CDH18: variants seen among roughly 807,000 people sequenced by gnomAD.
CDH18 encodes the protein cadherin 18.
In CDH18, 31 loss-of-function variants were observed where a neutral mutation model predicts 67.9. That is an observed-to-expected ratio of 0.46 (90% confidence interval 0.34 to 0.62). CDH18 has a LOEUF of 0.62. Ranked by LOEUF, CDH18 falls within the 20% of genes least tolerant of loss-of-function variation. The pLI is 0.01. For synonymous variants in CDH18, 362 were observed against 347.2 expected (o/e 1.04, Z -0.48); for missense variants, 890 against 975.5 (o/e 0.91, Z 1.17).
At chr5:19,495,068 G>C (rs1362753671) in intron 11 of CDH18, among the ~76,000 whole-genome samples, 2 of 152,126 alleles carry the variant, frequency 1.3e-5, no homozygotes, top group African/African-American at 4.8e-5. Flanking sequence ...TATGTAGCAG[G>C]CATGTAAAAG....
intron 1 of CDH18, among the ~76,000 whole-genome samples, chr5:20,566,758 G>A (rs73053450): frequency 0.015 from 2,235 of 151,966 alleles, 52 homozygotes; most frequent in African/African-American, 0.051. Flanking sequence ...AAGCTGTCAA[G>A]TACAATTAAA....
chr5:20,086,394 G>A (rs994571215), intron 2 of CDH18, among the ~76,000 whole-genome samples: 3 of 152,204 alleles, frequency 2.0e-5, no homozygotes, highest in African/African-American at 7.2e-5. Context: ...TTATCTGGAA[G>A]GTCTAGCTGA....
intron 11 of CDH18, among the ~76,000 whole-genome samples, chr5:19,499,749 C>G (rs2126735323): frequency 6.6e-6 from 1 of 152,164 alleles, no homozygotes; most frequent in African/African-American, 2.4e-5. Context: ...CATTCACTAT[C>G]TTTTAAATTT....
At chr5:19,591,445 C>T (rs894851711) in intron 6 of CDH18, among the ~76,000 whole-genome samples, 4 of 151,948 alleles carry the variant, frequency 2.6e-5, no homozygotes, top group African/African-American at 7.2e-5. Flanking sequence ...ACGTAAAATA[C>T]TTTGCATGAA....
rs539680292 is a variant in CDH18, at chr5:20,523,154, A to G, written c.-580+52308T>C. 4.6e-5 allele frequency among the ~76,000 whole-genome samples: 7 copies of G among 152,306 alleles called. No individual in the cohort carries two copies. In the South Asian group the frequency reaches 1.2e-3, roughly 27 times the overall value. ...CTGTCTTTGTAATCTCATTTCAATC[A>G]CTATCCAAGTGGTATGTTGCTGAAA... On this transcript the variant is annotated intron_variant, in intron 1 of 14. Coordinates refer to the CDH18 transcript ENST00000507958.
At chr5:19,598,485 T>C (rs1377192533) in intron 6 of CDH18, among the ~76,000 whole-genome samples, 1 of 152,022 alleles carries the variant, frequency 6.6e-6, no homozygotes, top group Non-Finnish European at 1.5e-5. Context: ...AATAAATTGT[T>C]TAAAGTTTAC....
intron 3 of CDH18, among the ~76,000 whole-genome samples, chr5:19,749,733 A>T (rs1337340755): frequency 2.0e-5 from 3 of 151,222 alleles, no homozygotes; most frequent in Non-Finnish European, 3.0e-5. Flanking sequence ...ATATAAAAAT[A>T]AAAATTTCAG....
intron 2 of CDH18, among the ~76,000 whole-genome samples, chr5:20,028,580 G>A (rs1739117933): frequency 6.6e-6 from 1 of 152,178 alleles, no homozygotes; most frequent in South Asian, 2.1e-4. Flanking sequence ...CACAGGGGAT[G>A]TATTCCAAGA....
At chr5:19,835,960 T>C (rs573265011) in intron 3 of CDH18, among the ~76,000 whole-genome samples, 120 of 152,268 alleles carry the variant, frequency 7.9e-4, no homozygotes, top group Non-Finnish European at 1.5e-3. Context: ...CATATGTTCA[T>C]TGGCACCATA....
intron 4 of CDH18, among the ~76,000 whole-genome samples, chr5:19,723,970 T>G (rs762863889): frequency 6.6e-6 from 1 of 151,998 alleles, no homozygotes; most frequent in Non-Finnish European, 1.5e-5. Context: ...CTCAGCCTCC[T>G]AAGTGCTGGG....
chr5:19,877,614 A>T (rs955787489), intron 2 of CDH18, among the ~76,000 whole-genome samples: 12 of 152,144 alleles, frequency 7.9e-5, no homozygotes, highest in Non-Finnish European at 1.5e-5. Context: ...TGTTTATAGT[A>T]ACATAGATTG....
intron 1 of CDH18, among the ~76,000 whole-genome samples, chr5:20,295,799 T>C (rs1221273841): frequency 6.6e-6 from 1 of 152,148 alleles, no homozygotes; most frequent in African/African-American, 2.4e-5. Flanking sequence ...AATTATTTTC[T>C]TTACATATAT....
rs552624082 is a variant in CDH18, at chr5:19,722,557, C to T, written c.524-1091G>A. Among the ~76,000 whole-genome samples, 41 of 150,512 alleles carry T rather than the reference C, an allele frequency of 2.7e-4. No homozygotes were observed. The South Asian group carries it at 8.2e-3, about 30-fold the overall frequency. ...AAAACACGATTTGCATAATTAGATA[C>T]ACCTATATAATATTTCAATTGTTTC... On this transcript the variant is annotated intron_variant, in intron 4 of 12. Transcript: ENST00000382275.
intron 1 of CDH18, among the ~76,000 whole-genome samples, chr5:20,318,207 A>C (rs759539089): frequency 4.6e-5 from 7 of 152,122 alleles, no homozygotes; most frequent in Non-Finnish European, 8.8e-5. Context: ...TATAGAAGAG[A>C]AATAAGTCAC....
At chr5:20,463,838 C>T (rs1481819768) in intron 1 of CDH18, among the ~76,000 whole-genome samples, 1 of 152,108 alleles carries the variant, frequency 6.6e-6, no homozygotes, top group East Asian at 1.9e-4. Context: ...GAAGTTCTCT[C>T]TCTTTTGGAT....
intron 5 of CDH18, among the ~76,000 whole-genome samples, chr5:19,630,570 T>C (rs539665572): frequency 1.3e-4 from 20 of 152,268 alleles, no homozygotes; most frequent in Non-Finnish European, 1.8e-4. Context: ...AAGTGGCTAC[T>C]ATCTAATTCT....
chr5:19,591,369 T>TA, intron 6 of CDH18, 125 bp from the exon 7 acceptor site: 1 of 496,966 alleles, frequency 2.0e-6, no homozygotes, highest in Non-Finnish European at 3.3e-6. Flanking sequence ...TCAAATGGAC[T>TA]TTTTTAGATT....
At chr5:20,247,867 A>C (rs1224003568) in intron 2 of CDH18, among the ~76,000 whole-genome samples, 2 of 152,182 alleles carry the variant, frequency 1.3e-5, no homozygotes, top group African/African-American at 2.4e-5. Context: ...CTAAATAATT[A>C]GTAGTAGAAA....
intron 2 of CDH18, among the ~76,000 whole-genome samples, chr5:19,856,344 G>A (rs1428635136): frequency 3.3e-5 from 5 of 152,094 alleles, no homozygotes; most frequent in South Asian, 2.1e-4. Flanking sequence ...AGATGACAGT[G>A]TACCCTACCT....
Sources: gnomAD v4.1 joint callset for allele counts (sites outside exome capture counted in the v4.1 genomes callset) on GRCh38, gnomAD v4.1.1 for gene constraint, MANE v1.5 for transcripts, NCBI Gene and HGNC (gene_info 2026-07-23, HGNC 2026-07-21) for gene names.